The following ASAP1 variants were observed in gnomAD, a reference collection of about 807,000 sequenced individuals.
The protein encoded by ASAP1 is arf-GAP with SH3 domain, ANK repeat and PH domain-containing protein 1.
In ASAP1, 43 loss-of-function variants were observed where a neutral mutation model predicts 145.2. The ratio of observed to expected loss-of-function variants is 0.30; its 90% CI spans 0.23 to 0.38. The LOEUF is 0.38. ASAP1 is among the 10% of genes least tolerant of loss of function. The pLI, the probability that ASAP1 is intolerant of heterozygous loss-of-function variation, is 1.00. For synonymous variants in ASAP1, 546 were observed against 515.5 expected (o/e 1.06, Z -0.80); for missense variants, 1,018 against 1,355.3 (o/e 0.75, Z 3.91).
chr8:130,163,918 T>C (rs140545041), intron 11 of ASAP1, among the ~76,000 whole-genome samples: 265 of 152,338 alleles, frequency 1.7e-3, no homozygotes, highest in Middle Eastern at 6.8e-3. Flanking sequence ...AATGTATTAT[T>C]AAGAGGTAGA....
At chr8:130,102,695 T>C (rs1184701486) in intron 24 of ASAP1, among the ~76,000 whole-genome samples, 1 of 152,172 alleles carries the variant, frequency 6.6e-6, no homozygotes, top group Non-Finnish European at 1.5e-5. Flanking sequence ...ACTATTTGAT[T>C]GATTGATTGA....
At chr8:130,082,277 T>C (rs980116860) in intron 25 of ASAP1, among the ~76,000 whole-genome samples, 1 of 152,242 alleles carries the variant, frequency 6.6e-6, no homozygotes, top group East Asian at 1.9e-4. Context: ...CATGAGCCCA[T>C]ATAACTTAAT....
At chr8:130,342,123 C>T (rs139747669) in intron 3 of ASAP1, among the ~76,000 whole-genome samples, 11 of 152,194 alleles carry the variant, frequency 7.2e-5, no homozygotes, top group South Asian at 2.1e-4. Context: ...AGGGCATTCA[C>T]GGTGAGGTGG....
At chr8:130,072,831 G>GTGTGCGTGCGCGCGCGC (rs58907739) in intron 27 of ASAP1, among the ~76,000 whole-genome samples, 2 of 110,702 alleles carry the variant, frequency 1.8e-5, no homozygotes, top group African/African-American at 7.2e-5. Flanking sequence ...GTGTGCGCGC[G>GTGTGCGTGCGCGCGCGC]GGGGGGGGCA....
In ASAP1 at chr8:130,234,770, C is replaced by T. The variant is rs117888261; in HGVS notation, c.259+2152G>A. Among the ~76,000 whole-genome samples, 573 of 151,966 alleles carry T rather than the reference C, an allele frequency of 3.8e-3. 1 individual carries two copies. The highest frequency in any genetic ancestry group is 6.6e-3 in the Non-Finnish European group (447 of 68,012). On this transcript the variant is annotated intron_variant, in intron 4 of 29. Coordinates refer to ENST00000518721, the MANE Select transcript of ASAP1 (RefSeq NM_018482.4). ...GCAAGGGTCTCCCTTTTGCAGCTCA[C>T]AAGCATAGAGCCTCAGGTACAAACC... is the stretch of plus-strand genomic sequence containing the variant.
At chr8:130,186,180 A>G (rs1814716451) in intron 7 of ASAP1, among the ~76,000 whole-genome samples, 1 of 152,202 alleles carries the variant, frequency 6.6e-6, no homozygotes, top group African/African-American at 2.4e-5. Context: ...AAAGACTCAT[A>G]GCCCACAGCA....
At chr8:130,284,660 A>G (rs949228148) in intron 3 of ASAP1, among the ~76,000 whole-genome samples, 5 of 152,046 alleles carry the variant, frequency 3.3e-5, no homozygotes, top group Non-Finnish European at 7.4e-5. Flanking sequence ...GTGATGTAGG[A>G]TGCAGCCACT....
intron 3 of ASAP1, among the ~76,000 whole-genome samples, chr8:130,335,862 G>C (rs1409097784): frequency 1.3e-5 from 2 of 152,148 alleles, no homozygotes; most frequent in South Asian, 2.1e-4. Context: ...AAATGATATG[G>C]AAACTTATTT....
chr8:130,086,074 G>A (rs528935221), intron 25 of ASAP1, among the ~76,000 whole-genome samples: 14 of 152,248 alleles, frequency 9.2e-5, no homozygotes, highest in Non-Finnish European at 1.9e-4. Flanking sequence ...TGCTTGCCAG[G>A]AGAACCATGC....
At chr8:130,345,090 C>A (rs72724451) in intron 3 of ASAP1, among the ~76,000 whole-genome samples, 5,285 of 152,136 alleles carry the variant, frequency 0.035, 125 homozygotes, top group Middle Eastern at 0.065. Context: ...ACTTTTTGAG[C>A]CCGTTTCCTC....
intron 27 of ASAP1, among the ~76,000 whole-genome samples, chr8:130,074,898 G>A (rs1167196774): frequency 6.6e-6 from 1 of 152,194 alleles, no homozygotes; most frequent in Non-Finnish European, 1.5e-5. Flanking sequence ...CAGTTGAGTG[G>A]CAGAACCCAG....
Position 130,236,938 on chromosome 8 carries a change from T to C in ASAP1, c.243A>G (p.Ile81Met). 6.2e-7 allele frequency: 1 copy of C among 1,601,688 alleles called. No homozygotes were observed. The highest frequency in any genetic ancestry group is 8.5e-7 in the Non-Finnish European group (1 of 1,173,176). The change falls in exon 4 of 30, where the codon ATA becomes ATG. Residue 81 changes from isoleucine (I) to methionine (M), a missense_variant. Ile to Met is a conservative substitution (Grantham distance 10). This residue lies in a region of ASAP1 where 106 missense variants were observed against 134.5 expected (regional missense o/e 0.79). Transcript: ENST00000518721. ...LQKVKKSVKAIYNSGQDHVQN... is the reference protein window; with the variant it reads ...LQKVKKSVKAMYNSGQDHVQN... ...AGTGCTTACCTTGACCAGAATTATA[T>C]ATTGCTTTTACAGACTTCTTCACTT... is the stretch of plus-strand genomic sequence containing the variant.
intron 3 of ASAP1, among the ~76,000 whole-genome samples, chr8:130,320,532 T>A (rs1240590642): frequency 6.6e-6 from 1 of 150,754 alleles, no homozygotes; most frequent in Non-Finnish European, 1.5e-5. Context: ...GGTGACAGAG[T>A]CAGATCTTGT....
chr8:130,080,478 C>CTCTTTT (rs869286628), intron 25 of ASAP1, among the ~76,000 whole-genome samples: 947 of 71,094 alleles, frequency 0.013, 6 homozygotes, highest in Non-Finnish European at 0.022. Flanking sequence ...CATTCTCTCT[C>CTCTTTT]TTTTTTTTTT....
chr8:130,113,518 G>A (rs2135595864), intron 23 of ASAP1, among the ~76,000 whole-genome samples: 1 of 152,228 alleles, frequency 6.6e-6, no homozygotes, highest in African/African-American at 2.4e-5. Flanking sequence ...TCCTCTTAAA[G>A]TTGTTAAGGC....
intron 27 of ASAP1, among the ~76,000 whole-genome samples, chr8:130,067,533 C>A (rs1368923425): frequency 6.6e-6 from 1 of 152,130 alleles, no homozygotes; most frequent in African/African-American, 2.4e-5. Context: ...ATAGCTGGGA[C>A]CACAGGTGCG....
chr8:130,345,998 T>C (rs1175354519), intron 3 of ASAP1, among the ~76,000 whole-genome samples: 2 of 152,210 alleles, frequency 1.3e-5, no homozygotes, highest in Non-Finnish European at 1.5e-5. Flanking sequence ...CTCTATGCAA[T>C]TGGTAGGCAT....
chr8:130,240,096 A>G (rs1310767535), intron 3 of ASAP1, among the ~76,000 whole-genome samples: 2 of 152,152 alleles, frequency 1.3e-5, no homozygotes, highest in African/African-American at 4.8e-5. Flanking sequence ...GAGCAAATGA[A>G]TGTGAAAGAT....
intron 1 of ASAP1, among the ~76,000 whole-genome samples, chr8:130,441,677 G>C (rs1830492746): frequency 6.6e-6 from 1 of 152,214 alleles, no homozygotes; most frequent in Non-Finnish European, 1.5e-5. Context: ...CTTTGGGCCT[G>C]CCAGGCTTGC....
Sources: gnomAD v4.1 joint callset for allele counts (sites outside exome capture counted in the v4.1 genomes callset) on GRCh38, gnomAD v4.1.1 for gene constraint, gnomAD v4.1.1 regional missense constraint, MANE v1.5 for transcripts, NCBI Gene and HGNC (gene_info 2026-07-23, HGNC 2026-07-21) for gene names.